Variants in DCLK1 observed in about 807,000 individuals in gnomAD.
DCLK1 encodes the protein serine/threonine-protein kinase DCLK1.
In DCLK1, 16 loss-of-function variants were observed where a neutral mutation model predicts 86.2. That is an observed-to-expected ratio of 0.19 (90% CI 0.13 to 0.28). The LOEUF (loss-of-function observed/expected upper bound fraction) is 0.28. DCLK1 is among the 10% of genes least tolerant of loss of function. The pLI is 1.00. For synonymous variants in DCLK1, 369 were observed against 370.5 expected, an observed-to-expected ratio of 1.00 and a Z score of 0.05; for missense variants, 590 against 940.2, an observed-to-expected ratio of 0.63 and a Z score of 4.87.
chr13:35,957,385 T>C (rs1878049443), intron 3 of DCLK1, among the ~76,000 whole-genome samples: 1 of 152,164 alleles, frequency 6.6e-6, no homozygotes. Context: ...ACAAATGCAT[T>C]CTGGTGCTAT....
chr13:35,811,752 T>A (rs2087150132), intron 11 of DCLK1, among the ~76,000 whole-genome samples: 1 of 151,910 alleles, frequency 6.6e-6, no homozygotes, highest in Admixed American at 6.6e-5. Context: ...GAGAATCACT[T>A]GAACCCGGGA....
chr13:36,030,863 T>C (rs1882242226), intron 3 of DCLK1, among the ~76,000 whole-genome samples: 1 of 152,104 alleles, frequency 6.6e-6, no homozygotes, highest in African/African-American at 2.4e-5. Context: ...CACTCATTGC[T>C]GTGCTCTCAC....
At position 35,930,323 on chromosome 13, in the gene DCLK1, T is replaced by C. The variant is rs146730184; in HGVS notation, c.823+17035A>G. Among the ~76,000 whole-genome samples the C allele has an allele frequency of 5.7e-3, 874 of 152,352 alleles. 12 individuals carry two copies. Among genetic ancestry groups the C allele is most frequent in the African/African-American group, 0.02 (830 of 41,578 alleles). On this transcript the variant is annotated intron_variant, in intron 4 of 16. Transcript: ENST00000360631. Reference sequence around the variant, plus strand: ...AACAAAAACATAAGTTCCTATGCCCTGTGGACCCACACTGAAAGGAAAGTC... The same window carrying C: ...AACAAAAACATAAGTTCCTATGCCCCGTGGACCCACACTGAAAGGAAAGTC...
intron 3 of DCLK1, among the ~76,000 whole-genome samples, chr13:35,982,760 CTTTT>C (rs11350843): frequency 2.0e-5 from 3 of 151,530 alleles, no homozygotes; most frequent in East Asian, 1.9e-4. Context: ...GTGTGAATTG[CTTTT>C]TTTTTGTTTG....
intron 7 of DCLK1, 147 bp from the exon 8 acceptor site, chr13:35,836,288 C>T: frequency 1.5e-6 from 1 of 652,898 alleles, no homozygotes. Flanking sequence ...TGCCTCCCCA[C>T]CCTTGCTGAC....
At chr13:35,927,459 T>C (rs1033840502) in intron 4 of DCLK1, among the ~76,000 whole-genome samples, 2 of 152,238 alleles carry the variant, frequency 1.3e-5, no homozygotes, top group African/African-American at 4.8e-5. Flanking sequence ...TTTGCAAAGA[T>C]CCAAAGTCTC....
At chr13:35,778,259 T>C (rs2086460391) in intron 16 of DCLK1, among the ~76,000 whole-genome samples, 1 of 152,174 alleles carries the variant, frequency 6.6e-6, no homozygotes, top group Non-Finnish European at 1.5e-5. Flanking sequence ...AAAGCCCAAT[T>C]CCTTGTCCCA....
intron 4 of DCLK1, among the ~76,000 whole-genome samples, chr13:35,886,007 CTTTTTTTTTT>C (rs10589320): frequency 0.21 from 26,906 of 130,812 alleles, 2,577 homozygotes; most frequent in East Asian, 0.29. Flanking sequence ...GAATAGGTTC[CTTTTTTTTTT>C]TTTTTTTTTT....
intron 3 of DCLK1, among the ~76,000 whole-genome samples, chr13:36,033,886 T>C (rs1262479790): frequency 2.0e-5 from 3 of 152,188 alleles, no homozygotes; most frequent in Non-Finnish European, 2.9e-5. Flanking sequence ...AGTCGCACCA[T>C]TGCGCTCCAG....
At chr13:35,877,670 T>C (rs1238040669) in intron 4 of DCLK1, among the ~76,000 whole-genome samples, 2 of 152,188 alleles carry the variant, frequency 1.3e-5, no homozygotes, top group Admixed American at 6.5e-5. Flanking sequence ...GTTTTCTGAA[T>C]TGTTCAGGAA....
intron 3 of DCLK1, among the ~76,000 whole-genome samples, chr13:36,067,780 G>T (rs990336547): frequency 6.6e-6 from 1 of 152,008 alleles, no homozygotes; most frequent in Non-Finnish European, 1.5e-5. Context: ...CTTCTTGGAG[G>T]TATTCCCTTC....
chr13:35,957,361 T>C (rs937933524), intron 3 of DCLK1, among the ~76,000 whole-genome samples: 2 of 152,162 alleles, frequency 1.3e-5, no homozygotes, highest in Non-Finnish European at 2.9e-5. Flanking sequence ...TGTTGACTCT[T>C]ACTCAACATG....
chr13:35,787,355 C>T (rs2086641943), intron 16 of DCLK1, among the ~76,000 whole-genome samples: 2 of 151,468 alleles, frequency 1.3e-5, no homozygotes, highest in African/African-American at 4.9e-5. Context: ...ATGGCGAAAA[C>T]AGCCTCCCTA....
At chr13:35,785,606 G>C (rs927245703) in intron 16 of DCLK1, among the ~76,000 whole-genome samples, 1 of 152,186 alleles carries the variant, frequency 6.6e-6, no homozygotes, top group African/African-American at 2.4e-5. Flanking sequence ...AGCCAGTTAA[G>C]AGAGACAGAC....
intron 16 of DCLK1, among the ~76,000 whole-genome samples, chr13:35,776,307 G>C (rs1051765702): frequency 1.3e-5 from 2 of 152,078 alleles, no homozygotes; most frequent in Non-Finnish European, 2.9e-5. Context: ...TTGAATGTTT[G>C]TAAAAAAAAC....
At chr13:36,034,277 T>G (rs1484220846) in intron 3 of DCLK1, among the ~76,000 whole-genome samples, 1 of 152,222 alleles carries the variant, frequency 6.6e-6, no homozygotes, top group Non-Finnish European at 1.5e-5. Flanking sequence ...TCTCCCAGAA[T>G]AGAATCAATA....
chr13:36,088,090 G>A (rs1273828207), intron 3 of DCLK1, among the ~76,000 whole-genome samples: 1 of 152,194 alleles, frequency 6.6e-6, no homozygotes, highest in Admixed American at 6.5e-5. Flanking sequence ...TGTGGAAACC[G>A]ATCTCTCCTG....
chr13:35,920,355 T>G (rs542430434), intron 4 of DCLK1, among the ~76,000 whole-genome samples: 1 of 152,124 alleles, frequency 6.6e-6, no homozygotes, highest in East Asian at 1.9e-4. Context: ...AATATCCTAA[T>G]TGGGTTTTCT....
In DCLK1 at chr13:35,796,660, T is replaced by C. The variant is rs533927016; in HGVS notation, c.1945-3181A>G. On this transcript the variant is annotated intron_variant, in intron 15 of 16. Coordinates refer to ENST00000360631, the MANE Select transcript of DCLK1 (RefSeq NM_001330071.2). ...TGAGGCTCAGCAAGGTGAATTCATT[T>C]GCTCCACGTCACATAGCTAGAAAGT... Among the ~76,000 whole-genome samples the C allele has an allele frequency of 3.7e-3, 568 of 152,288 alleles. 6 individuals are homozygous for C. Among genetic ancestry groups the C allele is most frequent in the South Asian group, 0.011 (51 of 4,820 alleles).
Sources: gnomAD v4.1 joint callset for allele counts (sites outside exome capture counted in the v4.1 genomes callset) on GRCh38, gnomAD v4.1.1 for gene constraint, MANE v1.5 for transcripts, NCBI Gene and HGNC (gene_info 2026-07-23, HGNC 2026-07-21) for gene names.